SPATA13: variants seen among roughly 807,000 people sequenced by gnomAD.
The protein encoded by SPATA13 is spermatogenesis associated 13.
SPATA13 carries 50 observed loss-of-function variants against 104.0 expected under a neutral mutation model. The observed-to-expected ratio is 0.48, with a 90% CI of 0.38 to 0.61. SPATA13 has a LOEUF of 0.61. SPATA13 is among the 20% of genes least tolerant of loss of function. The pLI is 0.00. For synonymous variants in SPATA13, 606 were observed against 667.5 expected (o/e 0.91, Z 1.42); for missense variants, 1,524 against 1,690.6 (o/e 0.90, Z 1.73).
At chr13:24,107,237 CA>C (rs11421515) in intron 3 of SPATA13, among the ~76,000 whole-genome samples, 828 of 34,258 alleles carry the variant, frequency 0.024, no homozygotes, top group Middle Eastern at 0.038. Context: ...GAACAAGAGG[CA>C]AAAAAAAAAA....
At chr13:23,994,640 T>A (rs1017945280) in intron 2 of SPATA13, among the ~76,000 whole-genome samples, 3 of 152,214 alleles carry the variant, frequency 2.0e-5, no homozygotes, top group African/African-American at 7.2e-5. Flanking sequence ...AAGTTTTCTG[T>A]TCATCATTGA....
At chr13:24,237,734 A>C (rs556697702) in intron 2 of SPATA13, among the ~76,000 whole-genome samples, 105 of 152,146 alleles carry the variant, frequency 6.9e-4, no homozygotes, top group Admixed American at 1.1e-3. Flanking sequence ...GGAAGCCAAG[A>C]TGGGAAGATC....
At chr13:24,059,698 T>C (rs9511025) in intron 3 of SPATA13, among the ~76,000 whole-genome samples, 73,186 of 152,136 alleles carry the variant, frequency 0.48, 18,896 homozygotes, top group East Asian at 0.66. Flanking sequence ...CACACTGATT[T>C]TGTATGCTGG....
chr13:24,244,755 T>C (rs1270290065), intron 2 of SPATA13, among the ~76,000 whole-genome samples: 3 of 152,140 alleles, frequency 2.0e-5, no homozygotes, highest in Non-Finnish European at 4.4e-5. Flanking sequence ...CCCAGCTTCC[T>C]GGGAAGCTGA....
intron 3 of SPATA13, among the ~76,000 whole-genome samples, chr13:24,136,840 T>G (rs1214384531): frequency 2.9e-5 from 1 of 35,084 alleles, no homozygotes; most frequent in Non-Finnish European, 6.4e-5. Flanking sequence ...TTTATTTATT[T>G]TTTTTTTGAG....
intron 4 of SPATA13, chr13:24,273,168 A>G (rs888962511): frequency 6.6e-6 from 1 of 152,372 alleles, no homozygotes; most frequent in African/African-American, 2.4e-5. Flanking sequence ...GCAAGATACA[A>G]AGAAGCCCAG....
intron 3 of SPATA13, among the ~76,000 whole-genome samples, chr13:24,055,422 G>C (rs527357770): frequency 1.3e-5 from 2 of 152,326 alleles, no homozygotes; most frequent in Non-Finnish European, 1.5e-5. Context: ...TGTCTGCCTA[G>C]GGAGATGGAG....
chr13:24,265,355 A>T (rs1037537684), intron 4 of SPATA13, among the ~76,000 whole-genome samples: 1 of 152,230 alleles, frequency 6.6e-6, no homozygotes, highest in Non-Finnish European at 1.5e-5. Flanking sequence ...AAGTAGCATC[A>T]CTGTGACCTG....
chr13:24,193,184 A>T (rs1453788261), intron 1 of SPATA13, among the ~76,000 whole-genome samples: 2 of 151,938 alleles, frequency 1.3e-5, no homozygotes, highest in African/African-American at 2.4e-5. Flanking sequence ...TGGATAGGAG[A>T]GTAGAAAAGT....
At chr13:24,135,947 G>A (rs886394083) in intron 3 of SPATA13, among the ~76,000 whole-genome samples, 1 of 152,104 alleles carries the variant, frequency 6.6e-6, no homozygotes, top group African/African-American at 2.4e-5. Flanking sequence ...GGAGGGCTGG[G>A]ATATTTATTT....
intron 2 of SPATA13, among the ~76,000 whole-genome samples, chr13:24,001,057 CT>C (rs1476255057): frequency 2.0e-5 from 3 of 152,178 alleles, no homozygotes; most frequent in Non-Finnish European, 4.4e-5. Flanking sequence ...CCCTCACCCC[CT>C]GTCCTCCTTG....
intron 2 of SPATA13, among the ~76,000 whole-genome samples, chr13:23,984,803 A>G (rs983322810): frequency 9.9e-5 from 15 of 152,234 alleles, no homozygotes; most frequent in Admixed American, 3.3e-4. Context: ...CCTATTTCTG[A>G]GAGCTGTGCA....
intron 1 of SPATA13, among the ~76,000 whole-genome samples, chr13:24,202,108 A>AAATG (rs1870445230): frequency 8.4e-6 from 1 of 119,158 alleles, no homozygotes; most frequent in African/African-American, 3.1e-5. Context: ...ATAAATAAAT[A>AAATG]AATAAAAAGT....
intron 3 of SPATA13, among the ~76,000 whole-genome samples, chr13:24,079,623 T>C (rs1216083133): frequency 6.6e-6 from 1 of 152,168 alleles, no homozygotes; most frequent in Non-Finnish European, 1.5e-5. Flanking sequence ...GGAGAGACTT[T>C]TCCTGCCAAG....
chr13:24,122,216 C>A, intron 3 of SPATA13: 3 of 1,449,350 alleles, frequency 2.1e-6, no homozygotes, highest in Admixed American at 1.7e-5. Context: ...TAACTGTTTT[C>A]TTTGTTCTTC....
At chr13:24,122,403 A>G in intron 3 of SPATA13, 1 of 1,582,656 alleles carries the variant, frequency 6.3e-7, no homozygotes, top group East Asian at 2.2e-5. Context: ...AGCCTTCCAG[A>G]GCAGTCTCTT....
At chr13:24,302,223 G>A (rs891331218) in intron 12 of SPATA13, among the ~76,000 whole-genome samples, 7 of 152,028 alleles carry the variant, frequency 4.6e-5, no homozygotes, top group Admixed American at 4.6e-4. Flanking sequence ...CGCTCCACAC[G>A]GAGTACCTGA....
rs77804905 is a variant in SPATA13, at chr13:24,169,748, C to T, written c.-112+8816C>T. Among the ~76,000 whole-genome samples, 432 of 152,318 alleles carry T rather than the reference C, an allele frequency of 2.8e-3. 5 individuals carry two copies. The highest frequency in any genetic ancestry group is 9.5e-3 in the African/African-American group (395 of 41,568). On this transcript the variant is annotated intron_variant, in intron 1 of 12. Coordinates refer to ENST00000382108, the MANE Select transcript of SPATA13 (RefSeq NM_001166271.3). Reference sequence around the variant, plus strand: ...ATGGGAGGTGAGGGAAGAAGGTAACCTCCTGCAGACCTTTCTTCTCAGTCT... The same window carrying T: ...ATGGGAGGTGAGGGAAGAAGGTAACTTCCTGCAGACCTTTCTTCTCAGTCT...
intron 2 of SPATA13, among the ~76,000 whole-genome samples, chr13:24,248,138 G>A (rs1873267565): frequency 6.6e-6 from 1 of 152,254 alleles, no homozygotes; most frequent in African/African-American, 2.4e-5. Flanking sequence ...GCAGGTCTCT[G>A]ACGCAGCCCT....
Sources: gnomAD v4.1 joint callset for allele counts (sites outside exome capture counted in the v4.1 genomes callset) on GRCh38, gnomAD v4.1.1 for gene constraint, MANE v1.5 for transcripts, NCBI Gene and HGNC (gene_info 2026-07-23, HGNC 2026-07-21) for gene names.